Variants in CRACD observed in about 807,000 individuals in gnomAD.
CRACD encodes the protein capping protein inhibiting regulator of actin dynamics.
Under a neutral mutation model 106.8 loss-of-function variants are expected in CRACD, and 56 were observed. The observed-to-expected ratio is 0.52, with a 90% CI of 0.42 to 0.66. The LOEUF (loss-of-function observed/expected upper bound fraction) is 0.66, where lower values mean the gene tolerates loss of function less well. Ranked by LOEUF, CRACD falls within the 30% of genes least tolerant of loss-of-function variation. The probability of loss-of-function intolerance (pLI) is 0.00; values close to 1 mark genes in which losing one functional copy is unlikely to be tolerated. For missense variants in CRACD, 1,730 were observed against 1,623.2 expected, an observed-to-expected ratio of 1.07 and a Z score of -1.13; for synonymous variants, 754 against 670.8, an observed-to-expected ratio of 1.12 and a Z score of -1.92.
chr4:56,280,037 G>T (rs550896229), intron 3 of CRACD, among the ~76,000 whole-genome samples: 271 of 149,902 alleles, frequency 1.8e-3, no homozygotes, highest in African/African-American at 6.1e-3. Flanking sequence ...GCAAACTATC[G>T]CAAGGACAAA....
intron 2 of CRACD, among the ~76,000 whole-genome samples, chr4:56,228,628 G>T (rs199523814): frequency 1.4e-3 from 171 of 122,634 alleles, no homozygotes; most frequent in African/African-American, 4.9e-3. Context: ...AAAAAAAAAA[G>T]AATTCCAGGT....
At chr4:56,079,488 C>T (rs1732953781) in intron 1 of CRACD, among the ~76,000 whole-genome samples, 1 of 150,080 alleles carries the variant, frequency 6.7e-6, no homozygotes, top group Admixed American at 6.7e-5. Context: ...TTCTGTCATG[C>T]AGGCTGAAGT....
intron 3 of CRACD, 116 bp from the exon 4 acceptor site, chr4:56,298,098 C>G: frequency 8.5e-7 from 1 of 1,177,718 alleles, no homozygotes; most frequent in East Asian, 2.4e-5. Context: ...GCTGAAAGTG[C>G]TTGCCGAATG....
At chr4:56,276,822 A>G (rs1333074583) in intron 3 of CRACD, among the ~76,000 whole-genome samples, 1 of 152,082 alleles carries the variant, frequency 6.6e-6, no homozygotes. Context: ...ACTTACTGGG[A>G]CTCTACTTGT....
At chr4:56,102,730 C>G (rs921427701) in intron 1 of CRACD, among the ~76,000 whole-genome samples, 2 of 152,176 alleles carry the variant, frequency 1.3e-5, no homozygotes, top group Non-Finnish European at 2.9e-5. Flanking sequence ...TGTTTAACAT[C>G]GTCTGCTGGA....
chr4:56,275,694 G>A (rs1309000845), intron 3 of CRACD, among the ~76,000 whole-genome samples: 3 of 152,136 alleles, frequency 2.0e-5, no homozygotes, highest in African/African-American at 7.2e-5. Flanking sequence ...TTTACATTGT[G>A]TAATGATTCA....
chr4:56,070,847 C>CTGTGTG (rs60372588), intron 1 of CRACD, among the ~76,000 whole-genome samples: 10,879 of 120,326 alleles, frequency 0.09, 861 homozygotes, highest in African/African-American at 0.15. Flanking sequence ...AGGGGCTATG[C>CTGTGTG]TGTGTGTGTG....
chr4:56,162,188 TA>T (rs1735984096), intron 1 of CRACD, among the ~76,000 whole-genome samples: 1 of 151,628 alleles, frequency 6.6e-6, no homozygotes, highest in African/African-American at 2.4e-5. Context: ...TTTTTATTTT[TA>T]AAAATTATTA....
intron 1 of CRACD, among the ~76,000 whole-genome samples, chr4:56,095,015 C>T (rs932967484): frequency 2.0e-5 from 3 of 152,132 alleles, no homozygotes; most frequent in Non-Finnish European, 1.5e-5. Context: ...ACATCCCTTC[C>T]GCCCTACTGG....
chr4:56,170,901 A>G (rs1736336092), intron 1 of CRACD, among the ~76,000 whole-genome samples: 1 of 152,174 alleles, frequency 6.6e-6, no homozygotes, highest in East Asian at 1.9e-4. Flanking sequence ...GGAGTAATTT[A>G]ACACAAGGAT....
chr4:56,101,208 A>T (rs1296553845), intron 1 of CRACD, among the ~76,000 whole-genome samples: 3 of 152,252 alleles, frequency 2.0e-5, no homozygotes, highest in Middle Eastern at 3.4e-3. Flanking sequence ...TTGTTTTGGC[A>T]AAATTGACTT....
intron 1 of CRACD, among the ~76,000 whole-genome samples, chr4:56,146,007 G>A (rs925654422): frequency 1.1e-4 from 17 of 152,096 alleles, no homozygotes; most frequent in African/African-American, 4.1e-4. Context: ...TTCATCAGCA[G>A]CTTCAAGGTT....
At chr4:56,265,099 A>G (rs777116014) in intron 2 of CRACD, among the ~76,000 whole-genome samples, 1 of 152,124 alleles carries the variant, frequency 6.6e-6, no homozygotes, top group Non-Finnish European at 1.5e-5. Context: ...CCTCTGTCAT[A>G]ATGGAAATGT....
At chr4:56,300,597 G>A (rs1036962526) in intron 4 of CRACD, among the ~76,000 whole-genome samples, 15 of 152,120 alleles carry the variant, frequency 9.9e-5, no homozygotes, top group African/African-American at 4.8e-5. Context: ...CTAAGAAGTT[G>A]TGAACTTCTG....
At chr4:56,086,044 T>G (rs1396499578) in intron 1 of CRACD, among the ~76,000 whole-genome samples, 1 of 152,194 alleles carries the variant, frequency 6.6e-6, no homozygotes, top group African/African-American at 2.4e-5. Flanking sequence ...TATTGCATAC[T>G]CATTCCTAGA....
At chr4:56,320,032 G>C (rs1316513610) in intron 8 of CRACD, among the ~76,000 whole-genome samples, 1 of 151,968 alleles carries the variant, frequency 6.6e-6, no homozygotes, top group Non-Finnish European at 1.5e-5. Context: ...AATTAGCCAG[G>C]TGTGGTGGTG....
chr4:56,314,447 G>A lies in CRACD; in HGVS notation c.945G>A (p.Glu315=). 1 of 1,540,106 alleles carries A rather than the reference G, an allele frequency of 6.5e-7. No homozygotes were observed. ...RREREERERL[E]AEEERRRLQA... Reference sequence around the variant, plus strand: ...AGCGTGAGGAGCGCGAGCGCCTGGAGGCGGAGGAGGAGCGAAGGCGTCTGC... The same window carrying A: ...AGCGTGAGGAGCGCGAGCGCCTGGAAGCGGAGGAGGAGCGAAGGCGTCTGC... The change falls in exon 8 of 11, where the codon GAG becomes GAA. Residue 315 remains glutamate (E), a synonymous_variant. Transcript: ENST00000682029. The surrounding 1 kb of genome is among the most constrained non-coding windows in gnomAD (Gnocchi z 4.4).
chr4:56,313,269 G>GATGC lies in CRACD; in HGVS notation c.428_431dup (p.Ile145CysfsTer21). 1.9e-6 allele frequency: 3 copies of GATGC among 1,614,208 alleles called. No homozygotes were observed. The highest frequency in any genetic ancestry group is 2.5e-6 in the Non-Finnish European group (3 of 1,180,032). ...TGGCACCATCGAAAGTGTCAACTTA[G>GATGC]ATGCCATCCCCCTGGCCATCGCTCG... On this transcript the variant is annotated frameshift_variant, in exon 7 of 11. Coordinates refer to ENST00000682029, the MANE Select transcript of CRACD (RefSeq NM_001393381.1). LOFTEE classifies it high-confidence loss of function.
chr4:56,197,838 C>T (rs1369350501), intron 2 of CRACD, among the ~76,000 whole-genome samples: 5 of 152,070 alleles, frequency 3.3e-5, no homozygotes, highest in African/African-American at 7.2e-5. Context: ...CCATCACGCC[C>T]GGCTAATTTT....
Sources: gnomAD v4.1 joint callset for allele counts (sites outside exome capture counted in the v4.1 genomes callset) on GRCh38, gnomAD v4.1.1 for gene constraint, Gnocchi (gnomAD v3.1) non-coding constraint, MANE v1.5 for transcripts, NCBI Gene and HGNC (gene_info 2026-07-23, HGNC 2026-07-21) for gene names.